The following ASIC2 variants were observed in gnomAD, a reference collection of about 807,000 sequenced individuals.
ASIC2 encodes the protein acid sensing ion channel subunit 2, also known as acid-sensing ion channel 2.
A neutral mutation model predicts 57.3 loss-of-function variants in ASIC2; 25 were observed. That is an observed-to-expected ratio of 0.44 (90% CI 0.32 to 0.61). ASIC2 has a LOEUF of 0.61. Among genes scored for constraint, ASIC2 ranks in the 20% least tolerant of loss-of-function variants. ASIC2 has a pLI of 0.06. For missense variants in ASIC2, 641 were observed against 738.1 expected (o/e 0.87, Z 1.52); for synonymous variants, 319 against 307.5 (o/e 1.04, Z -0.39).
chr17:33,831,379 C>T (rs987771352), intron 1 of ASIC2, among the ~76,000 whole-genome samples: 1 of 152,004 alleles, frequency 6.6e-6, no homozygotes, highest in Non-Finnish European at 1.5e-5. Context: ...AAGTGTCCCT[C>T]AAGTGCTGGG....
intron 1 of ASIC2, among the ~76,000 whole-genome samples, chr17:34,073,991 G>A (rs1295437470): frequency 1.3e-5 from 2 of 152,116 alleles, no homozygotes; most frequent in African/African-American, 2.4e-5. Context: ...GCCAATATAC[G>A]GCCTTCAGTT....
At chr17:33,876,679 T>G (rs1914554249) in intron 1 of ASIC2, among the ~76,000 whole-genome samples, 1 of 152,208 alleles carries the variant, frequency 6.6e-6, no homozygotes, top group South Asian at 2.1e-4. Flanking sequence ...ATCTAGAATT[T>G]GAACCAAGTC....
chr17:33,173,729 C>G (rs1290325165), intron 1 of ASIC2, among the ~76,000 whole-genome samples: 1 of 152,168 alleles, frequency 6.6e-6, no homozygotes, highest in Non-Finnish European at 1.5e-5. Flanking sequence ...GCTCCTTAAG[C>G]ATAAGTTTTC....
intron 1 of ASIC2, among the ~76,000 whole-genome samples, chr17:33,982,865 G>A (rs1299199427): frequency 6.6e-6 from 1 of 152,206 alleles, no homozygotes. Flanking sequence ...GTACATGGGT[G>A]TATAGAACTC....
chr17:33,914,515 G>C (rs1252588455), intron 1 of ASIC2, among the ~76,000 whole-genome samples: 2 of 152,208 alleles, frequency 1.3e-5, no homozygotes, highest in East Asian at 3.8e-4. Context: ...ATGGTGGCCA[G>C]AGTTTTACAA....
chr17:34,114,418 T>C (rs1911368229), intron 1 of ASIC2, among the ~76,000 whole-genome samples: 1 of 152,136 alleles, frequency 6.6e-6, no homozygotes, highest in South Asian at 2.1e-4. Context: ...GAGAGACTTC[T>C]GCATGGGGCT....
At chr17:34,116,920 G>A (rs1047588588) in intron 1 of ASIC2, among the ~76,000 whole-genome samples, 3 of 152,128 alleles carry the variant, frequency 2.0e-5, no homozygotes, top group African/African-American at 7.2e-5. Context: ...TGTATGCAAT[G>A]TGAACCAGCC....
At chr17:33,503,454 C>T (rs1000865133) in intron 1 of ASIC2, among the ~76,000 whole-genome samples, 2 of 152,086 alleles carry the variant, frequency 1.3e-5, no homozygotes, top group African/African-American at 4.8e-5. Context: ...CAAGGATTTT[C>T]CTGGGAGTCA....
chr17:33,493,750 T>C (rs766715683), intron 1 of ASIC2, among the ~76,000 whole-genome samples: 3 of 152,072 alleles, frequency 2.0e-5, no homozygotes, highest in Non-Finnish European at 4.4e-5. Flanking sequence ...GCATTCTTAC[T>C]CTCCCCTCCC....
chr17:33,516,354 G>A (rs1396052448), intron 1 of ASIC2, among the ~76,000 whole-genome samples: 1 of 151,752 alleles, frequency 6.6e-6, no homozygotes, highest in South Asian at 2.1e-4. Flanking sequence ...GTATGTGTGT[G>A]TGTGTGTGAG....
chr17:33,630,325 C>A (rs117072099), intron 1 of ASIC2, among the ~76,000 whole-genome samples: 80 of 152,258 alleles, frequency 5.3e-4, no homozygotes, highest in Non-Finnish European at 1.0e-3. Flanking sequence ...CACATGGTTC[C>A]TTTTCTCTGA....
intron 3 of ASIC2, among the ~76,000 whole-genome samples, chr17:33,039,463 C>T (rs1279827017): frequency 6.6e-6 from 1 of 152,176 alleles, no homozygotes; most frequent in Non-Finnish European, 1.5e-5. Flanking sequence ...AATCTTGGCC[C>T]TGACACCACC....
At chr17:33,253,109 T>A (rs1332165948) in intron 1 of ASIC2, among the ~76,000 whole-genome samples, 1 of 152,206 alleles carries the variant, frequency 6.6e-6, no homozygotes, top group African/African-American at 2.4e-5. Context: ...CACATCCCTA[T>A]AAGATAGTTA....
intron 1 of ASIC2, among the ~76,000 whole-genome samples, chr17:33,574,284 C>T (rs1408503452): frequency 6.6e-6 from 1 of 152,184 alleles, no homozygotes; most frequent in Non-Finnish European, 1.5e-5. Flanking sequence ...TTTGCATTCC[C>T]CTGATGATCC....
chr17:33,158,705 G>C (rs868150729), intron 1 of ASIC2, among the ~76,000 whole-genome samples: 4 of 152,194 alleles, frequency 2.6e-5, no homozygotes, highest in African/African-American at 9.7e-5. Flanking sequence ...GAGTGACTTC[G>C]GGCAAGCCGT....
intron 1 of ASIC2, among the ~76,000 whole-genome samples, chr17:33,594,827 C>CAAA (rs61263575): frequency 7.9e-5 from 9 of 114,194 alleles, no homozygotes; most frequent in South Asian, 2.9e-4. Context: ...GACTCCATTT[C>CAAA]AAAAAAAAAA....
At chr17:33,662,446 C>A (rs2095595611) in intron 1 of ASIC2, among the ~76,000 whole-genome samples, 2 of 150,558 alleles carry the variant, frequency 1.3e-5, no homozygotes, top group African/African-American at 4.9e-5. Context: ...CAAAGTGAAA[C>A]CCCATCTCCA....
At chr17:33,463,131 T>C (rs1036294538) in intron 1 of ASIC2, among the ~76,000 whole-genome samples, 1 of 152,254 alleles carries the variant, frequency 6.6e-6, no homozygotes, top group Non-Finnish European at 1.5e-5. Context: ...TCTCAGATTG[T>C]GGATCCTTTC....
chr17:33,970,291 C>A (rs1057245643), intron 1 of ASIC2, among the ~76,000 whole-genome samples: 3 of 152,150 alleles, frequency 2.0e-5, no homozygotes, highest in Non-Finnish European at 4.4e-5. Context: ...TAGTTGGATA[C>A]CTTTCCTCAT....
Sources: gnomAD v4.1 joint callset for allele counts (sites outside exome capture counted in the v4.1 genomes callset) on GRCh38, gnomAD v4.1.1 for gene constraint, MANE v1.5 for transcripts, NCBI Gene and HGNC (gene_info 2026-07-23, HGNC 2026-07-21) for gene names.